PPTC7: variants seen among roughly 807,000 people sequenced by gnomAD.
PPTC7 encodes protein phosphatase PTC7 homolog.
In PPTC7, 6 loss-of-function variants were observed where a neutral mutation model predicts 30.8. The ratio of observed to expected loss-of-function variants is 0.19; its 90% CI spans 0.11 to 0.38. The LOEUF is 0.38. Ranked by LOEUF, PPTC7 falls within the 10% of genes least tolerant of loss-of-function variation. The pLI is 1.00. For missense variants in PPTC7, 218 were observed against 404.8 expected (o/e 0.54, Z 3.96); for synonymous variants, 163 against 168.1 (o/e 0.97, Z 0.23).
chr12:110,556,202 C>A (rs2064385917), intron 1 of PPTC7, among the ~76,000 whole-genome samples: 1 of 152,186 alleles, frequency 6.6e-6, no homozygotes, highest in African/African-American at 2.4e-5. Context: ...CTTTTGGGCA[C>A]CTGTTTGCTT....
At chr12:110,562,476 C>A (rs555622864) in intron 1 of PPTC7, among the ~76,000 whole-genome samples, 101 of 152,104 alleles carry the variant, frequency 6.6e-4, no homozygotes, top group African/African-American at 2.3e-3. Flanking sequence ...CCTGTTTTAA[C>A]AAGCAAGTGA....
intron 3 of PPTC7, among the ~76,000 whole-genome samples, chr12:110,544,769 G>A (rs1335269449): frequency 1.3e-5 from 2 of 152,110 alleles, no homozygotes; most frequent in Non-Finnish European, 2.9e-5. Flanking sequence ...GGAGGCGGAG[G>A]TTGCAGTGAG....
chr12:110,580,896 C>G (rs1406875551), intron 1 of PPTC7, among the ~76,000 whole-genome samples: 1 of 152,228 alleles, frequency 6.6e-6, no homozygotes, highest in Non-Finnish European at 1.5e-5. Context: ...GGACTATAGG[C>G]ATGCGCCATC....
intron 1 of PPTC7, among the ~76,000 whole-genome samples, chr12:110,553,199 G>C (rs1412731485): frequency 6.7e-6 from 1 of 148,426 alleles, no homozygotes; most frequent in Non-Finnish European, 1.5e-5. Context: ...CACCAGGCTG[G>C]AGCAGTGGCG....
intron 1 of PPTC7, among the ~76,000 whole-genome samples, chr12:110,574,201 A>AGACC (rs2064568067): frequency 6.6e-6 from 1 of 150,814 alleles, no homozygotes; most frequent in Non-Finnish European, 1.5e-5. Flanking sequence ...TGCAAGCAAG[A>AGACC]GACCTAGGTT....
At position 110,576,083 on chromosome 12, in the gene PPTC7, A is replaced by C. The variant is rs1375423470; in HGVS notation, c.223+6726T>G. On this transcript the variant is annotated intron_variant, in intron 1 of 5. Transcript: ENST00000354300. ...AAAGCCACTAGTCAATGGCTTCCTAAACCCTGCTATTTCATTAGTCCTAGA... is the reference window on the plus strand; with the variant it reads ...AAAGCCACTAGTCAATGGCTTCCTACACCCTGCTATTTCATTAGTCCTAGA... 9.7e-4 allele frequency among the ~76,000 whole-genome samples: 147 copies of C among 152,124 alleles called. 5 individuals are homozygous for C. Among genetic ancestry groups the C allele is most frequent in the Admixed American group, 9.5e-3 (145 of 15,264 alleles).
chr12:110,541,695 C>T (rs1444461859), intron 3 of PPTC7, among the ~76,000 whole-genome samples: 7 of 130,416 alleles, frequency 5.4e-5, no homozygotes, highest in Non-Finnish European at 9.4e-5. Flanking sequence ...AGCTAAACTC[C>T]GTCTCAAAAA....
At position 110,576,130 on chromosome 12, in the gene PPTC7, T is replaced by TCACA. The variant is rs2064586982; in HGVS notation, c.223+6675_223+6678dup. On this transcript the variant is annotated intron_variant, in intron 1 of 5. Coordinates refer to ENST00000354300, the MANE Select transcript of PPTC7 (RefSeq NM_139283.2). ...TAGATGGCTCTTTTACTAAATCCAC[T>TCACA]CACACTTCCTTATTAATATTCCACA... Among the ~76,000 whole-genome samples the TCACA allele has an allele frequency of 2.6e-5, 4 of 152,208 alleles. No homozygotes were observed. The South Asian group carries it at 8.3e-4, about 32-fold the overall frequency.
intron 5 of PPTC7, among the ~76,000 whole-genome samples, chr12:110,537,911 G>C (rs1319613068): frequency 6.6e-6 from 1 of 152,192 alleles, no homozygotes; most frequent in Non-Finnish European, 1.5e-5. Flanking sequence ...AAGGGCTTCA[G>C]GTTCCACCTG....
rs1565918139 is a variant in PPTC7 at position 110,545,917 on chromosome 12, C to T, written c.565G>A (p.Ala189Thr). 6.2e-7 allele frequency: 1 copy of T among 1,613,856 alleles called. No homozygotes were observed. The highest frequency in any genetic ancestry group is 8.5e-7 in the Non-Finnish European group (1 of 1,180,010). ...YFNTPFQLSIAPPEAEGVVLS... is the reference protein window; with the variant it reads ...YFNTPFQLSITPPEAEGVVLS... Reference sequence around the variant, plus strand: ...ACGACTCCCTCGGCTTCAGGGGGAGCGATTGAGAGCTGGAATGGAGTGTTG... The same window carrying T: ...ACGACTCCCTCGGCTTCAGGGGGAGTGATTGAGAGCTGGAATGGAGTGTTG... The change falls in exon 3 of 6, where the codon GCT becomes ACT. Residue 189 changes from alanine (A) to threonine (T), a missense_variant. By Grantham distance (58) the Ala-to-Thr change is moderately conservative. Coordinates refer to ENST00000354300, the MANE Select transcript of PPTC7 (RefSeq NM_139283.2).
At chr12:110,550,795 G>A (rs2064344751) in intron 2 of PPTC7, among the ~76,000 whole-genome samples, 1 of 152,164 alleles carries the variant, frequency 6.6e-6, no homozygotes, top group African/African-American at 2.4e-5. Context: ...TTTGTGCCAA[G>A]TTATTTCACC....
At position 110,583,167 on chromosome 12, in the gene PPTC7, C is replaced by T. The variant is rs2064655171; in HGVS notation, c.-136G>A. On this transcript the variant is annotated 5_prime_UTR_variant, in exon 1 of 6. Transcript: ENST00000354300. ...CAGGGCGGCGCGCAGTGGCCGCCGCCGCCCCTGCCCGACGCGCGGGGCCTC... is the reference window on the plus strand; with the variant it reads ...CAGGGCGGCGCGCAGTGGCCGCCGCTGCCCCTGCCCGACGCGCGGGGCCTC... The T allele has an allele frequency of 2.2e-6, 1 of 449,338 alleles. No homozygotes were observed. The highest frequency in any genetic ancestry group is 3.2e-6 in the Non-Finnish European group (1 of 308,836). 27.8% of individuals were successfully genotyped at this position (449,338 alleles called of 1,614,324 possible).
chr12:110,546,128 G>A, intron 2 of PPTC7, 50 bp from the exon 3 acceptor site: 4 of 1,497,306 alleles, frequency 2.7e-6, no homozygotes, highest in Non-Finnish European at 3.7e-6. Context: ...GGCTGCCTTT[G>A]CACACACATT....
chr12:110,563,839 A>G (rs1239199541), intron 1 of PPTC7, among the ~76,000 whole-genome samples: 1 of 152,184 alleles, frequency 6.6e-6, no homozygotes, highest in East Asian at 1.9e-4. Context: ...TAGAGAAGAT[A>G]ATTTCCAGAC....
At chr12:110,569,351 A>G (rs892689406) in intron 1 of PPTC7, among the ~76,000 whole-genome samples, 1 of 152,098 alleles carries the variant, frequency 6.6e-6, no homozygotes, top group Non-Finnish European at 1.5e-5. Flanking sequence ...AAAAGTAAAA[A>G]TAAATAAAAA....
At chr12:110,544,863 C>T (rs557033402) in intron 3 of PPTC7, among the ~76,000 whole-genome samples, 1 of 152,188 alleles carries the variant, frequency 6.6e-6, no homozygotes, top group African/African-American at 2.4e-5. Context: ...AAAGCAGCAT[C>T]TTGGAACGTT....
chr12:110,576,515 A>G (rs2064590186), intron 1 of PPTC7, among the ~76,000 whole-genome samples: 1 of 152,242 alleles, frequency 6.6e-6, no homozygotes, highest in Non-Finnish European at 1.5e-5. Context: ...GTGGTATATA[A>G]ATATAATGGA....
chr12:110,582,824 A>C lies in PPTC7; in HGVS notation c.208T>G (p.Ser70Ala). 1 of 1,561,480 alleles carries C rather than the reference A, an allele frequency of 6.4e-7. No homozygotes were observed. Reference protein sequence around the residue: ...DDACFVARHRSADVLGVADGV... With the variant: ...DDACFVARHRAADVLGVADGV... ...GGGGACTCACCGAGCACGTCCGCGG[A>C]ACGGTGCCGGGCCACGAAGCACGCG... The change falls in exon 1 of 6, where the codon TCC (serine) becomes GCC (alanine). Residue 70 changes from serine (S) to alanine (A), a missense_variant. By Grantham distance (99) the Ser-to-Ala change is moderately conservative (BLOSUM62 1). Transcript: ENST00000354300.
Position 110,539,931 on chromosome 12 carries a change from T to C in PPTC7, c.617A>G (p.Asp206Gly), listed in dbSNP as rs764631066. The change falls in exon 4 of 6, where the codon GAT (aspartate) becomes GGT (glycine). Residue 206 changes from aspartate (D) to glycine (G), a missense_variant. Asp to Gly is a moderately conservative substitution (Grantham distance 94). Coordinates refer to ENST00000354300, the MANE Select transcript of PPTC7 (RefSeq NM_139283.2). ...VVLSDSPDAA[D>G]STSFDVQLGD... ...TAGCTGGACATCGAAAGACGTGCTA[T>C]CAGCAGCATCCGGACTGTGGCAAGG... 1 of 1,614,100 alleles carries C rather than the reference T, an allele frequency of 6.2e-7. No homozygotes were observed. The highest frequency in any genetic ancestry group is 1.1e-5 in the South Asian group (1 of 91,074).
Sources: gnomAD v4.1 joint callset for allele counts (sites outside exome capture counted in the v4.1 genomes callset) on GRCh38, gnomAD v4.1.1 for gene constraint, MANE v1.5 for transcripts, NCBI Gene and HGNC (gene_info 2026-07-23, HGNC 2026-07-21) for gene names.